The following ZC3H12B variants were observed in gnomAD, a reference collection of about 807,000 sequenced individuals.
ZC3H12B encodes the protein zinc finger CCCH-type containing 12B.
A neutral mutation model predicts 43.9 loss-of-function variants in ZC3H12B; 7 were observed. The observed-to-expected ratio is 0.16, with a 90% confidence interval of 0.09 to 0.30. The LOEUF is 0.30. Ranked by LOEUF, ZC3H12B falls within the 10% of genes least tolerant of loss-of-function variation. The pLI is 1.00. For missense variants in ZC3H12B, 475 were observed against 670.2 expected, an observed-to-expected ratio of 0.71 and a Z score of 3.22; for synonymous variants, 222 against 241.7, an observed-to-expected ratio of 0.92 and a Z score of 0.76.
At chrX:65,135,205 T>C in the ZC3H12B span, among the ~76,000 whole-genome samples, 3 of 111,552 alleles carry the variant, frequency 2.7e-5, no homozygotes, top group Non-Finnish European at 5.6e-5. Context: ...TACTTAACTT[T>C]CCCACATTTA....
At chrX:65,332,478 A>T in the ZC3H12B span, among the ~76,000 whole-genome samples, 3 of 112,026 alleles carry the variant, frequency 2.7e-5, no homozygotes, top group Non-Finnish European at 5.6e-5. Flanking sequence ...AAGCAAAATC[A>T]TCCAAAGTAA....
the ZC3H12B span, among the ~76,000 whole-genome samples, chrX:65,282,666 A>C: frequency 8.9e-6 from 1 of 111,860 alleles, no homozygotes; most frequent in Non-Finnish European, 1.9e-5. Flanking sequence ...AGAGAAATAC[A>C]AACTACCATC....
chrX:65,103,413 A>G, the ZC3H12B span, among the ~76,000 whole-genome samples: 3 of 111,870 alleles, frequency 2.7e-5, no homozygotes, highest in African/African-American at 9.8e-5. Context: ...CAAGGTGCCC[A>G]GATTTCATAT....
At chrX:65,205,657 G>C in the ZC3H12B span, among the ~76,000 whole-genome samples, 335 of 111,501 alleles carry the variant, frequency 3.0e-3, no homozygotes, top group Middle Eastern at 9.3e-3. Context: ...CTTCAACATA[G>C]TACTGGAAGT....
At chrX:65,111,633 T>G in the ZC3H12B span, among the ~76,000 whole-genome samples, 1 of 110,494 alleles carries the variant, frequency 9.1e-6, no homozygotes, top group South Asian at 3.8e-4. Flanking sequence ...TCCAAAAGCA[T>G]GTGTTGCATT....
At chrX:65,091,281 G>A in the ZC3H12B span, among the ~76,000 whole-genome samples, 1 of 111,899 alleles carries the variant, frequency 8.9e-6, no homozygotes, top group Admixed American at 9.5e-5. Context: ...AGGAATGCAA[G>A]GAATGCAGCT....
chrX:65,097,560 A>T, the ZC3H12B span, among the ~76,000 whole-genome samples: 1 of 111,804 alleles, frequency 8.9e-6, no homozygotes, highest in Admixed American at 9.6e-5. Context: ...TTTGTAATGT[A>T]TCTGGTCCTG....
intron 1 of ZC3H12B, among the ~76,000 whole-genome samples, chrX:65,367,987 C>G (rs1253291746): frequency 9.0e-6 from 1 of 111,492 alleles, no homozygotes; most frequent in Non-Finnish European, 1.9e-5. Context: ...CCTCCACAAA[C>G]CTTTGTTAGG....
At chrX:65,410,120 A>C (rs1010095270) in intron 3 of ZC3H12B, among the ~76,000 whole-genome samples, 2 of 109,630 alleles carry the variant, frequency 1.8e-5, no homozygotes, top group East Asian at 2.8e-4. Context: ...AAAAAAAAAA[A>C]AAAAAACAAT....
chrX:65,229,612 A>G, the ZC3H12B span, among the ~76,000 whole-genome samples: 1 of 108,174 alleles, frequency 9.2e-6, no homozygotes, highest in South Asian at 4.1e-4. Context: ...ACAAAATGGG[A>G]GAAAATTTTC....
chrX:65,452,421 C>T (rs2067528050), intron 3 of ZC3H12B, among the ~76,000 whole-genome samples: 1 of 109,949 alleles, frequency 9.1e-6, no homozygotes, highest in Non-Finnish European at 1.9e-5. Context: ...AAGAACACAA[C>T]CACTTTTACA....
the ZC3H12B span, among the ~76,000 whole-genome samples, chrX:65,103,729 T>TG: frequency 1.8e-5 from 2 of 111,515 alleles, no homozygotes; most frequent in Non-Finnish European, 3.8e-5. Context: ...TCCCTCTGTT[T>TG]GGGGTCCCTG....
chrX:65,317,851 CTA>C, the ZC3H12B span, among the ~76,000 whole-genome samples: 1,176 of 95,084 alleles, frequency 0.012, 26 homozygotes, highest in African/African-American at 0.034. Flanking sequence ...CACGCACACA[CTA>C]TATATATATA....
At chrX:65,083,314 A>G in the ZC3H12B span, among the ~76,000 whole-genome samples, 2 of 111,808 alleles carry the variant, frequency 1.8e-5, no homozygotes, top group African/African-American at 3.2e-5. Context: ...AATGGGAGAA[A>G]TCAAATTATC....
At chrX:65,078,158 G>T in the ZC3H12B span, among the ~76,000 whole-genome samples, 1 of 112,141 alleles carries the variant, frequency 8.9e-6, no homozygotes, top group African/African-American at 3.2e-5. Context: ...AGGAAGACCA[G>T]GTTTGATGGG....
At chrX:65,415,942 G>A (rs768254745) in intron 3 of ZC3H12B, among the ~76,000 whole-genome samples, 60 of 111,794 alleles carry the variant, frequency 5.4e-4, no homozygotes, top group Non-Finnish European at 8.8e-4. Context: ...TGAAATGGGG[G>A]CATGTTTTCC....
At chrX:65,221,698 A>T in the ZC3H12B span, among the ~76,000 whole-genome samples, 2 of 109,765 alleles carry the variant, frequency 1.8e-5, no homozygotes, top group South Asian at 3.8e-4. Flanking sequence ...AATTTTAATT[A>T]AAAAAAAATT....
At chrX:65,498,912 C>A (rs1341027813) in intron 2 of ZC3H12B, 87 bp from the exon 8 acceptor site, 1 of 736,489 alleles carries the variant, frequency 1.4e-6, no homozygotes, top group Non-Finnish European at 2.0e-6. Context: ...TCATCCAGTA[C>A]CAACTTTTGC....
the ZC3H12B span, among the ~76,000 whole-genome samples, chrX:65,055,321 T>C: frequency 8.9e-6 from 1 of 111,919 alleles, no homozygotes; most frequent in Non-Finnish European, 1.9e-5. Context: ...GTCAAAGGCC[T>C]TTTCTGCATC....
Sources: allele counts gnomAD v4.1 joint callset (sites outside exome capture counted in the v4.1 genomes callset), GRCh38; gene constraint gnomAD v4.1.1; transcripts MANE v1.5; gene names NCBI Gene and HGNC (gene_info 2026-07-23, HGNC 2026-07-21).